SLCO3A1: variants seen among roughly 807,000 people sequenced by gnomAD.
SLCO3A1 encodes the protein PGE1 transporter.
A neutral mutation model predicts 63.1 loss-of-function variants in SLCO3A1; 27 were observed. That is an observed-to-expected ratio of 0.43 (90% CI 0.32 to 0.59). The LOEUF (loss-of-function observed/expected upper bound fraction) is 0.59. SLCO3A1 is among the 20% of genes least tolerant of loss of function. The probability of loss-of-function intolerance (pLI) is 0.09; values close to 1 mark genes in which losing one functional copy is unlikely to be tolerated. For synonymous variants in SLCO3A1, 473 were observed against 409.9 expected (o/e 1.15, Z -1.86); for missense variants, 773 against 945.8 (o/e 0.82, Z 2.40).
At chr15:92,007,097 C>G (rs1347505451) in intron 2 of SLCO3A1, among the ~76,000 whole-genome samples, 1 of 152,174 alleles carries the variant, frequency 6.6e-6, no homozygotes, top group Non-Finnish European at 1.5e-5. Context: ...TCCACTGACA[C>G]GCAGGAGGAC....
At chr15:91,934,154 A>G (rs2151392325) in intron 2 of SLCO3A1, among the ~76,000 whole-genome samples, 1 of 152,264 alleles carries the variant, frequency 6.6e-6, no homozygotes, top group Non-Finnish European at 1.5e-5. Context: ...TGTTCTTCTT[A>G]CCTTGTAAGT....
chr15:92,046,233 G>A (rs894226201), intron 2 of SLCO3A1, among the ~76,000 whole-genome samples: 4 of 152,022 alleles, frequency 2.6e-5, no homozygotes, highest in East Asian at 1.9e-4. Flanking sequence ...AGTTATTGTC[G>A]GCTGGGCGTG....
intron 2 of SLCO3A1, among the ~76,000 whole-genome samples, chr15:92,014,235 A>G (rs1470371539): frequency 1.3e-5 from 2 of 152,162 alleles, no homozygotes; most frequent in African/African-American, 4.8e-5. Flanking sequence ...CCTAGATCAC[A>G]GTTCACTGGG....
chr15:91,853,740 C>A lies in SLCO3A1; in HGVS notation c.-169C>A. ...CGGCGGCGGCGGCGGCGGCGAGGAG[C>A]TGTGCCTTCCACCTCTCCAGCCCCG... is the stretch of plus-strand genomic sequence containing the variant. On this transcript the variant is annotated 5_prime_UTR_variant, in exon 1 of 10. In the 5' UTR this introduces an upstream ATG that the reference lacks. Coordinates refer to ENST00000318445, the MANE Select transcript of SLCO3A1 (RefSeq NM_013272.4). The A allele has an allele frequency of 1.8e-6, 1 of 552,934 alleles. No homozygotes were observed. Among genetic ancestry groups the A allele is most frequent in the Non-Finnish European group, 2.4e-6 (1 of 425,520 alleles). 34.3% of individuals were successfully genotyped at this position (552,934 alleles called of 1,614,324 possible).
Position 92,023,628 on chromosome 15 carries a change from C to G in SLCO3A1, c.647-71253C>G, listed in dbSNP as rs188733423. 7.2e-3 allele frequency among the ~76,000 whole-genome samples: 1,088 copies of G among 152,140 alleles called. 58 individuals carry two copies. The highest frequency in any genetic ancestry group is 0.066 in the Admixed American group (1,010 of 15,282). ...GGATTACAGGCATGCACCACCACAC[C>G]CAGGAAATTTTTGTATTTTTAGTAG... On this transcript the variant is annotated intron_variant, in intron 2 of 9. Transcript: ENST00000318445.
At chr15:91,921,387 A>G (rs890795370) in intron 2 of SLCO3A1, among the ~76,000 whole-genome samples, 2 of 152,174 alleles carry the variant, frequency 1.3e-5, no homozygotes, top group African/African-American at 2.4e-5. Flanking sequence ...TAGGGCTTCA[A>G]TATATGAATC....
chr15:92,055,198 A>G lies in SLCO3A1; in HGVS notation c.647-39683A>G, dbSNP rs187516739. Among the ~76,000 whole-genome samples the G allele has an allele frequency of 1.7e-3, 257 of 152,308 alleles. 1 individual carries two copies. Among genetic ancestry groups the G allele is most frequent in the African/African-American group, 5.8e-3 (239 of 41,556 alleles). On this transcript the variant is annotated intron_variant, in intron 2 of 9. Coordinates refer to ENST00000318445, the MANE Select transcript of SLCO3A1 (RefSeq NM_013272.4). ...GGTTTTGATTTGCATTTCTCTAATC[A>G]GTGATGTTGAGCTTTTTTTCATGTT...
At chr15:92,056,188 A>T (rs539906664) in intron 2 of SLCO3A1, among the ~76,000 whole-genome samples, 5 of 152,124 alleles carry the variant, frequency 3.3e-5, no homozygotes, top group Admixed American at 3.3e-4. Flanking sequence ...CTTTATTTCC[A>T]GGTTCCGGTT....
chr15:91,976,405 G>A (rs1268930166), intron 2 of SLCO3A1, among the ~76,000 whole-genome samples: 1 of 152,008 alleles, frequency 6.6e-6, no homozygotes, highest in Non-Finnish European at 1.5e-5. Flanking sequence ...TAACATAGTA[G>A]AAAATGTACA....
At chr15:91,936,982 C>T (rs1300391382) in intron 2 of SLCO3A1, among the ~76,000 whole-genome samples, 7 of 152,170 alleles carry the variant, frequency 4.6e-5, no homozygotes, top group Non-Finnish European at 8.8e-5. Context: ...TAATCCTGTT[C>T]AGCCTGTGCC....
intron 2 of SLCO3A1, among the ~76,000 whole-genome samples, chr15:92,085,381 A>T (rs956043961): frequency 7.9e-5 from 12 of 152,142 alleles, no homozygotes; most frequent in African/African-American, 2.4e-4. Flanking sequence ...CTAACTGGGG[A>T]CCCAGTTTTG....
At chr15:92,094,193 A>G (rs939656485) in intron 2 of SLCO3A1, among the ~76,000 whole-genome samples, 12 of 152,254 alleles carry the variant, frequency 7.9e-5, no homozygotes, top group African/African-American at 2.2e-4. Flanking sequence ...AGCACTGCCC[A>G]GAGCCTGCCA....
chr15:92,157,071 A>C (rs1430753961), intron 9 of SLCO3A1: 4 of 152,234 alleles, frequency 2.6e-5, no homozygotes, highest in Non-Finnish European at 5.9e-5. Flanking sequence ...ATATAGCTGC[A>C]ATTTAAGCCA....
intron 2 of SLCO3A1, among the ~76,000 whole-genome samples, chr15:92,090,534 A>G (rs989390133): frequency 3.3e-5 from 5 of 152,180 alleles, no homozygotes; most frequent in African/African-American, 4.8e-5. Flanking sequence ...CAGTGTGCCA[A>G]TGTGCTTGGC....
At chr15:92,008,298 A>G (rs1460694930) in intron 2 of SLCO3A1, among the ~76,000 whole-genome samples, 1 of 152,198 alleles carries the variant, frequency 6.6e-6, no homozygotes, top group African/African-American at 2.4e-5. Context: ...GCTTTATGGT[A>G]ACACAGACTG....
chr15:92,170,749 T>G (rs2048516725), downstream of SLCO3A1: 1 of 152,220 alleles, frequency 6.6e-6, no homozygotes, highest in African/African-American at 2.4e-5. Context: ...AGGTTTCACT[T>G]TAATAATTAA....
chr15:91,874,643 G>A (rs755205326), intron 1 of SLCO3A1, among the ~76,000 whole-genome samples: 1 of 152,132 alleles, frequency 6.6e-6, no homozygotes, highest in African/African-American at 2.4e-5. Flanking sequence ...GTCGTCTGTC[G>A]ATGGACACTT....
rs1221918785 is a variant in SLCO3A1, at chr15:92,161,752, TC to T, written c.1754-1003del. The T allele has an allele frequency of 7.3e-5, 11 of 150,384 alleles. No homozygotes were observed. The East Asian group carries it at 2.0e-3, about 27-fold the overall frequency. 9.3% of individuals were successfully genotyped at this position (150,384 alleles called of 1,614,324 possible). On this transcript the variant is annotated intron_variant, in intron 9 of 9. Transcript: ENST00000318445. ...AGTATGCCGGCGCTTTGCAGTTTCC[TC>T]TGTAGAACACCACACACAGTATGCC...
downstream of SLCO3A1, among the ~76,000 whole-genome samples, chr15:92,168,547 T>A (rs76137473): frequency 1.4e-3 from 214 of 152,316 alleles, no homozygotes; most frequent in East Asian, 5.8e-3. Context: ...CTGATCTCTG[T>A]TCTCTTGCAC....
Sources: allele counts gnomAD v4.1 joint callset (sites outside exome capture counted in the v4.1 genomes callset), GRCh38; gene constraint gnomAD v4.1.1; transcripts MANE v1.5; gene names NCBI Gene and HGNC (gene_info 2026-07-23, HGNC 2026-07-21).